CNTN5: variants seen among roughly 807,000 people sequenced by gnomAD.
CNTN5 encodes contactin-5.
CNTN5 carries 77 observed loss-of-function variants against 129.1 expected under a neutral mutation model. The ratio of observed to expected loss-of-function variants is 0.60; its 90% CI spans 0.50 to 0.72. The LOEUF (loss-of-function observed/expected upper bound fraction) is 0.72. Among genes scored for constraint, CNTN5 ranks in the 30% least tolerant of loss-of-function variants. The pLI, the probability that CNTN5 is intolerant of heterozygous loss-of-function variation, is 0.00. For missense variants in CNTN5, 1,478 were observed against 1,328.8 expected, an observed-to-expected ratio of 1.11 and a Z score of -1.75; for synonymous variants, 509 against 465.6, an observed-to-expected ratio of 1.09 and a Z score of -1.20.
At chr11:99,708,303 C>T (rs1443694302) in intron 3 of CNTN5, among the ~76,000 whole-genome samples, 1 of 151,718 alleles carries the variant, frequency 6.6e-6, no homozygotes, top group Non-Finnish European at 1.5e-5. Context: ...TATAGTTTCA[C>T]ATTCATATAT....
intron 3 of CNTN5, among the ~76,000 whole-genome samples, chr11:99,747,167 T>C (rs1944080196): frequency 6.6e-6 from 1 of 152,172 alleles, no homozygotes; most frequent in African/African-American, 2.4e-5. Context: ...GTGATTCTTT[T>C]GATGATGTGA....
chr11:100,069,292 A>T (rs1173914836), intron 10 of CNTN5, among the ~76,000 whole-genome samples: 1 of 151,982 alleles, frequency 6.6e-6, no homozygotes, highest in Non-Finnish European at 1.5e-5. Flanking sequence ...GGCTGGACCG[A>T]TAGGCATGTG....
At chr11:100,038,227 C>T (rs1157295178) in intron 9 of CNTN5, among the ~76,000 whole-genome samples, 2 of 151,872 alleles carry the variant, frequency 1.3e-5, no homozygotes, top group Non-Finnish European at 2.9e-5. Context: ...CGTTATGTAC[C>T]CAGTAGTCAT....
rs962903340 is a variant in CNTN5, at chr11:99,381,044, T to G, written c.-71+55560T>G. On this transcript the variant is annotated intron_variant, in intron 2 of 24. Transcript: ENST00000524871. ...TGGGGATAGGACTCCAACATTTGAG[T>G]AGTTTTAAAGGATCTCCAGATGATA... is the stretch of plus-strand genomic sequence containing the variant. Among the ~76,000 whole-genome samples, 3 of 152,084 alleles carry G rather than the reference T, an allele frequency of 2.0e-5. 1 individual carries two copies. The highest frequency in any genetic ancestry group is 2.0e-4 in the Admixed American group (3 of 15,262).
At chr11:99,452,944 T>C (rs1944362856) in intron 2 of CNTN5, among the ~76,000 whole-genome samples, 1 of 152,212 alleles carries the variant, frequency 6.6e-6, no homozygotes. Context: ...TTCCTCATCT[T>C]ATAAACAAAA....
chr11:100,191,180 C>G lies in CNTN5; in HGVS notation c.1635C>G (p.Asp545Glu). The G allele has an allele frequency of 6.2e-7, 1 of 1,610,780 alleles. No individual in the cohort carries two copies. The highest frequency in any genetic ancestry group is 8.5e-7 in the Non-Finnish European group (1 of 1,177,612). The change falls in exon 14 of 25, where the codon GAC becomes GAG. Residue 545 changes from aspartate (D) to glutamate (E), a missense_variant. By Grantham distance (45) the Asp-to-Glu change is conservative (BLOSUM62 2). Coordinates refer to ENST00000524871, the MANE Select transcript of CNTN5 (RefSeq NM_014361.4). ...SLRILNASKS[D>E]EGKYVCRGEN... ...GGATCCTAAATGCTTCCAAATCAGA[C>G]GAGGGAAAGTACGTTTGCCGAGGGG...
At position 100,240,593 on chromosome 11, in the gene CNTN5, A is replaced by C. The variant is rs536307834; in HGVS notation, c.2006-15167A>C. On this transcript the variant is annotated intron_variant, in intron 16 of 24. Transcript: ENST00000524871. ...TGATTTGCTCATTTAGTTAAATATA[A>C]AATTAATGAGCCCAGATACATGTTT... Among the ~76,000 whole-genome samples the C allele has an allele frequency of 6.9e-4, 105 of 152,318 alleles. 1 individual carries two copies. Among genetic ancestry groups the C allele is most frequent in the African/African-American group, 2.4e-3 (98 of 41,572 alleles).
intron 6 of CNTN5, among the ~76,000 whole-genome samples, chr11:99,873,442 G>C (rs369328273): frequency 6.6e-6 from 1 of 151,990 alleles, no homozygotes; most frequent in African/African-American, 2.4e-5. Flanking sequence ...AAGGAATAAA[G>C]CAGCCAACCG....
chr11:100,095,257 G>A (rs1944965123), intron 13 of CNTN5, among the ~76,000 whole-genome samples: 1 of 152,076 alleles, frequency 6.6e-6, no homozygotes, highest in African/African-American at 2.4e-5. Context: ...ATGTTTTTAT[G>A]TGGAAGAAAC....
chr11:99,183,915 G>A (rs574500915), intron 1 of CNTN5, among the ~76,000 whole-genome samples: 15 of 152,096 alleles, frequency 9.9e-5, no homozygotes, highest in Non-Finnish European at 1.6e-4. Flanking sequence ...TCTGTTGCCC[G>A]TGTCAGTTAA....
Position 99,451,602 on chromosome 11 carries a change from T to C in CNTN5, c.-70-104543T>C, listed in dbSNP as rs943195364. ...AATTATTTTTATATGTTAGAAAGCA[T>C]CATAAGAGCAGAATTATTTTTTTGC... is the stretch of plus-strand genomic sequence containing the variant. On this transcript the variant is annotated intron_variant, in intron 2 of 24. Coordinates refer to ENST00000524871, the MANE Select transcript of CNTN5 (RefSeq NM_014361.4). Among the ~76,000 whole-genome samples, 5 of 152,138 alleles carry C rather than the reference T, an allele frequency of 3.3e-5. No individual in the cohort carries two copies. In the East Asian group the frequency reaches 9.6e-4, roughly 29 times the overall value.
chr11:99,961,048 T>C (rs1247720276), intron 8 of CNTN5, among the ~76,000 whole-genome samples: 1 of 151,212 alleles, frequency 6.6e-6, no homozygotes, highest in Admixed American at 6.6e-5. Flanking sequence ...ACTGAAAAAC[T>C]GCAAAAATTA....
chr11:99,725,068 C>T (rs1365628794), intron 3 of CNTN5, among the ~76,000 whole-genome samples: 1 of 152,094 alleles, frequency 6.6e-6, no homozygotes, highest in African/African-American at 2.4e-5. Flanking sequence ...AATGGCCCAG[C>T]AAAAGGGAAA....
intron 8 of CNTN5, among the ~76,000 whole-genome samples, chr11:99,998,834 C>A (rs545363114): frequency 6.6e-6 from 1 of 150,914 alleles, no homozygotes; most frequent in Non-Finnish European, 1.5e-5. Flanking sequence ...CAGAACAGAG[C>A]CCTCAGAAAT....
chr11:100,341,565 C>T (rs1369679978), intron 23 of CNTN5, among the ~76,000 whole-genome samples: 4 of 151,974 alleles, frequency 2.6e-5, no homozygotes, highest in East Asian at 3.9e-4. Context: ...GGGACCATTT[C>T]GTTTTAGTGG....
intron 3 of CNTN5, among the ~76,000 whole-genome samples, chr11:99,712,791 A>C (rs1185968883): frequency 6.6e-6 from 1 of 151,838 alleles, no homozygotes; most frequent in Non-Finnish European, 1.5e-5. Flanking sequence ...ATGGTTCTTG[A>C]TGTGTGGTAT....
At chr11:100,241,778 A>T (rs912234821) in intron 16 of CNTN5, among the ~76,000 whole-genome samples, 1 of 152,230 alleles carries the variant, frequency 6.6e-6, no homozygotes, top group Non-Finnish European at 1.5e-5. Flanking sequence ...TAAGACCGCA[A>T]GAGACCAGCA....
At chr11:99,201,197 T>G (rs573095234) in intron 1 of CNTN5, among the ~76,000 whole-genome samples, 1 of 151,810 alleles carries the variant, frequency 6.6e-6, no homozygotes, top group Admixed American at 6.6e-5. Flanking sequence ...GCTAACTTTT[T>G]ATATTTTTAG....
chr11:99,506,572 A>G (rs188650272), intron 2 of CNTN5, among the ~76,000 whole-genome samples: 1 of 144,480 alleles, frequency 6.9e-6, no homozygotes. Context: ...GTAAATACTT[A>G]AAAAAAATTA....
Sources: gnomAD v4.1 joint callset for allele counts (sites outside exome capture counted in the v4.1 genomes callset) on GRCh38, gnomAD v4.1.1 for gene constraint, MANE v1.5 for transcripts, NCBI Gene and HGNC (gene_info 2026-07-23, HGNC 2026-07-21) for gene names.